The following VAC14 variants were observed in gnomAD, a reference collection of about 807,000 sequenced individuals.
The protein encoded by VAC14 is VAC14 component of PIKFYVE complex.
In VAC14, 47 loss-of-function variants were observed where a neutral mutation model predicts 85.3. That is an observed-to-expected ratio of 0.55 (90% CI 0.44 to 0.70). The LOEUF (loss-of-function observed/expected upper bound fraction) is 0.70, where lower values mean the gene tolerates loss of function less well. Ranked by LOEUF, VAC14 falls within the 30% of genes least tolerant of loss-of-function variation. The pLI is 0.00. For missense variants in VAC14, 861 were observed against 1,004.3 expected, an observed-to-expected ratio of 0.86 and a Z score of 1.93; for synonymous variants, 447 against 430.5, an observed-to-expected ratio of 1.04 and a Z score of -0.47.
chr16:70,789,487 C>A (rs764118203), intron 1 of VAC14, among the ~76,000 whole-genome samples: 2 of 152,120 alleles, frequency 1.3e-5, no homozygotes, highest in African/African-American at 2.4e-5. Context: ...GAGGTGCGCA[C>A]ACAGCTGCTC....
At chr16:70,788,269 G>C (rs895459786) in intron 1 of VAC14, among the ~76,000 whole-genome samples, 1 of 152,230 alleles carries the variant, frequency 6.6e-6, no homozygotes. Context: ...GAGGGACCGG[G>C]CAGTGGTTCG....
chr16:70,692,700 G>T (rs950060349), intron 18 of VAC14, 121 bp downstream of exon 18: 5 of 1,369,836 alleles, frequency 3.7e-6, no homozygotes, highest in African/African-American at 1.5e-5. Context: ...AGTGACAAAA[G>T]GGGTGGGATG....
At chr16:70,690,551 A>G in intron 18 of VAC14, 1 of 985,546 alleles carries the variant, frequency 1.0e-6, no homozygotes, top group Non-Finnish European at 1.2e-6. Flanking sequence ...CCCAGAAGCC[A>G]GGGGGTGGGG....
At chr16:70,746,832 C>T (rs766631575) in intron 12 of VAC14, among the ~76,000 whole-genome samples, 1 of 151,814 alleles carries the variant, frequency 6.6e-6, no homozygotes, top group Non-Finnish European at 1.5e-5. Context: ...TGTCCAAGCA[C>T]GGCCAGGGAG....
intron 17 of VAC14, among the ~76,000 whole-genome samples, chr16:70,693,914 G>C (rs2053651693): frequency 6.6e-6 from 1 of 152,238 alleles, no homozygotes; most frequent in African/African-American, 2.4e-5. Context: ...GGGCCAGGGT[G>C]TTGGTGCGCA....
intron 13 of VAC14, among the ~76,000 whole-genome samples, chr16:70,734,105 AGCCACTGCG>A (rs2054677063): frequency 6.6e-6 from 1 of 152,150 alleles, no homozygotes; most frequent in African/African-American, 2.4e-5. Context: ...TACAAGTGTG[AGCCACTGCG>A]CCCAGCCATG....
In VAC14 at chr16:70,733,813, A is replaced by G. The variant is rs371586968; in HGVS notation, c.1529-2186T>C. Among the ~76,000 whole-genome samples the G allele has an allele frequency of 4.8e-4, 73 of 151,960 alleles. No homozygotes were observed. In the South Asian group the frequency reaches 0.014, roughly 28 times the overall value. ...TCTCTTTATAAATTACCTACTCTCA[A>G]TCAGGTCTTTTTGTTTTTGTTTTTG... is the stretch of plus-strand genomic sequence containing the variant. On this transcript the variant is annotated intron_variant, in intron 13 of 18. Coordinates refer to ENST00000261776, the MANE Select transcript of VAC14 (RefSeq NM_018052.5).
At position 70,687,873 on chromosome 16, in the gene VAC14, C is replaced by A; in HGVS notation, c.*55G>T. On this transcript the variant is annotated 3_prime_UTR_variant, in exon 19 of 19. Transcript: ENST00000261776. ...CCTTGAGCTCCTCGGGAGGGCGTGA[C>A]GACCCTTAGTGTTTCATGGGACCAC... 7.1e-7 allele frequency: 1 copy of A among 1,406,018 alleles called. No homozygotes were observed. The highest frequency in any genetic ancestry group is 9.3e-7 in the Non-Finnish European group (1 of 1,070,202). The allele number at this position is 1,406,018 out of a possible 1,614,324, so 87.1% of individuals were successfully genotyped here. A position where few individuals can be genotyped will look rare whatever the true frequency, so the allele number is the denominator to read the frequency against.
chr16:70,725,812 C>T (rs1308076172), intron 14 of VAC14, among the ~76,000 whole-genome samples: 1 of 152,198 alleles, frequency 6.6e-6, no homozygotes, highest in African/African-American at 2.4e-5. Flanking sequence ...CTTAGGAGTG[C>T]CCTGTTCTCC....
intron 1 of VAC14, among the ~76,000 whole-genome samples, chr16:70,787,675 AGT>A (rs2034131179): frequency 6.6e-6 from 1 of 152,186 alleles, no homozygotes. Flanking sequence ...TTTTCCTGGA[AGT>A]GGGATGGAGC....
intron 1 of VAC14, among the ~76,000 whole-genome samples, chr16:70,795,245 T>C (rs1221432924): frequency 6.6e-6 from 1 of 152,052 alleles, no homozygotes; most frequent in Non-Finnish European, 1.5e-5. Context: ...GGCGGGTGGA[T>C]CACGAGGTCA....
chr16:70,784,038 G>A, intron 5 of VAC14, 75 bp downstream of exon 5: 2 of 1,216,022 alleles, frequency 1.6e-6, no homozygotes, highest in African/African-American at 1.5e-5. Flanking sequence ...ATAGCCAAAG[G>A]GCCTGACAAG....
chr16:70,730,594 CTTTTTTTTTTTT>C (rs34654239), intron 14 of VAC14, among the ~76,000 whole-genome samples: 1 of 106,548 alleles, frequency 9.4e-6, no homozygotes, highest in Admixed American at 9.7e-5. Context: ...GAGGCCCAGG[CTTTTTTTTTTTT>C]TTTTTTTTGG....
chr16:70,783,306 C>A, intron 6 of VAC14, 139 bp downstream of exon 6: 1 of 1,065,250 alleles, frequency 9.4e-7, no homozygotes, highest in Non-Finnish European at 1.4e-6. Context: ...CTCTTGGCTC[C>A]TCAAAGCGGG....
chr16:70,730,119 C>A (rs1405072664), intron 14 of VAC14, among the ~76,000 whole-genome samples: 1 of 151,942 alleles, frequency 6.6e-6, no homozygotes, highest in Non-Finnish European at 1.5e-5. Flanking sequence ...AGTCACCAGA[C>A]AAATCTACTT....
At chr16:70,784,073 A>G (rs1439282361) in intron 5 of VAC14, 40 bp downstream of exon 5, 1 of 1,580,984 alleles carries the variant, frequency 6.3e-7, no homozygotes, top group South Asian at 1.1e-5. Context: ...CAGATTTTCC[A>G]AACTGGAGGC....
chr16:70,789,846 G>A (rs947480857), intron 1 of VAC14, among the ~76,000 whole-genome samples: 1 of 152,158 alleles, frequency 6.6e-6, no homozygotes, highest in Non-Finnish European at 1.5e-5. Flanking sequence ...ACATGTTTCC[G>A]CTTGGCACAA....
chr16:70,762,508 T>G lies in VAC14; in HGVS notation c.1371+32A>C, dbSNP rs767547354. ...ACAAGGGGAGGCAGGGCAGCCGATG[T>G]TCCATAAGTACGGGTGGCGTTGGTG... On this transcript the variant is annotated intron_variant, in intron 12 of 18. Transcript: ENST00000261776. The surrounding 1 kb of genome is among the most constrained non-coding windows in gnomAD (Gnocchi z 4.1). 1.2e-5 allele frequency: 19 copies of G among 1,609,746 alleles called. No individual in the cohort carries two copies. In the South Asian group the frequency reaches 2.1e-4, roughly 18 times the overall value.
At chr16:70,768,765 C>A in intron 10 of VAC14, 1 of 450,946 alleles carries the variant, frequency 2.2e-6, no homozygotes, top group Non-Finnish European at 4.4e-6. Context: ...GATCCTTGAA[C>A]CCCTGAAAGT....
Sources: allele counts gnomAD v4.1 joint callset (sites outside exome capture counted in the v4.1 genomes callset), GRCh38; gene constraint gnomAD v4.1.1; non-coding constraint Gnocchi (gnomAD v3.1); transcripts MANE v1.5; gene names NCBI Gene and HGNC (gene_info 2026-07-23, HGNC 2026-07-21).